The following PRKCE variants were observed in gnomAD, a reference collection of about 807,000 sequenced individuals.
PRKCE encodes protein kinase C epsilon type.
PRKCE carries 16 observed loss-of-function variants against 85.4 expected under a neutral mutation model. The ratio of observed to expected loss-of-function variants is 0.19; its 90% confidence interval spans 0.13 to 0.28. PRKCE has a LOEUF of 0.28. PRKCE is among the 10% of genes least tolerant of loss of function. The probability of loss-of-function intolerance (pLI) is 1.00; values close to 1 mark genes in which losing one functional copy is unlikely to be tolerated. For missense variants in PRKCE, 573 were observed against 975.2 expected (o/e 0.59, Z 5.49); for synonymous variants, 388 against 371.5 (o/e 1.04, Z -0.51).
chr2:45,966,229 A>G (rs1009339903), intron 2 of PRKCE, among the ~76,000 whole-genome samples: 13 of 152,210 alleles, frequency 8.5e-5, no homozygotes, highest in African/African-American at 3.1e-4. Context: ...TACATATTGC[A>G]TGAATATGTA....
chr2:46,014,032 G>T (rs956398032), intron 10 of PRKCE, among the ~76,000 whole-genome samples: 4 of 152,332 alleles, frequency 2.6e-5, no homozygotes, highest in South Asian at 2.1e-4. Flanking sequence ...GCTGAAGAGA[G>T]ATTTGGGCTT....
Position 45,900,928 on chromosome 2 carries a change from A to G in PRKCE, c.412+57865A>G, listed in dbSNP as rs911204462. ...TGCTGAGGAGAGATGAACAATACACACTTAACAAATGAGTAAGGCAATACA... is the reference window on the plus strand; with the variant it reads ...TGCTGAGGAGAGATGAACAATACACGCTTAACAAATGAGTAAGGCAATACA... On this transcript the variant is annotated intron_variant, in intron 2 of 14. Transcript: ENST00000306156. 2.6e-5 allele frequency among the ~76,000 whole-genome samples: 4 copies of G among 152,242 alleles called. 1 individual carries two copies. In the South Asian group the frequency reaches 8.3e-4, roughly 31 times the overall value.
chr2:45,994,569 C>A (rs1379941503), intron 6 of PRKCE, among the ~76,000 whole-genome samples: 1 of 152,200 alleles, frequency 6.6e-6, no homozygotes, highest in Non-Finnish European at 1.5e-5. Context: ...TGGCACCTTT[C>A]ACTTAGCAAT....
chr2:45,690,883 A>G (rs1433174669), intron 1 of PRKCE, among the ~76,000 whole-genome samples: 4 of 152,266 alleles, frequency 2.6e-5, no homozygotes, highest in Admixed American at 2.6e-4. Context: ...GGCATGGGCC[A>G]TGCTGGCTTA....
intron 1 of PRKCE, among the ~76,000 whole-genome samples, chr2:45,692,323 GT>G (rs549161779): frequency 7.2e-4 from 109 of 152,252 alleles, no homozygotes; most frequent in African/African-American, 2.5e-3. Flanking sequence ...ATGTCGGGGA[GT>G]TTTTTCTTGT....
rs1680305440 is a variant in PRKCE, at chr2:46,184,502, C to T, written c.2068-233C>T. Among the ~76,000 whole-genome samples the T allele has an allele frequency of 6.6e-6, 1 of 152,132 alleles. No individual in the cohort carries two copies. Among genetic ancestry groups the T allele is most frequent in the South Asian group, 2.1e-4 (1 of 4,826 alleles). On this transcript the variant is annotated intron_variant, in intron 14 of 14. Transcript: ENST00000306156. The surrounding 1 kb of genome is among the most constrained non-coding windows in gnomAD (Gnocchi z 5.0). ...CACTTCCCTGCTTTTCCATCATACC[C>T]TCTCACCCCTTCTTCCTTCTCACCT...
intron 1 of PRKCE, among the ~76,000 whole-genome samples, chr2:45,724,321 T>C (rs1680877667): frequency 6.6e-6 from 1 of 152,232 alleles, no homozygotes; most frequent in Admixed American, 6.5e-5. Flanking sequence ...GATGGTGAAC[T>C]TAATTGATAA....
chr2:45,802,504 T>C (rs1260798421), intron 1 of PRKCE, among the ~76,000 whole-genome samples: 2 of 152,018 alleles, frequency 1.3e-5, no homozygotes. Context: ...CTCAACGGAG[T>C]AGACTATTAT....
At position 46,004,250 on chromosome 2, in the gene PRKCE, A is replaced by T. The variant is rs532166918; in HGVS notation, c.967-292A>T. ...CCTTTTGGATGGGGTTGGATCAAAC[A>T]TTGTACCTCTGTCTCAGCTCTTTGG... is the stretch of plus-strand genomic sequence containing the variant. On this transcript the variant is annotated intron_variant, in intron 7 of 14. Coordinates refer to ENST00000306156, the MANE Select transcript of PRKCE (RefSeq NM_005400.3). The surrounding 1 kb of genome is among the most constrained non-coding windows in gnomAD (Gnocchi z 4.1). 2 of 382,540 alleles carry T rather than the reference A, an allele frequency of 5.2e-6. No individual in the cohort carries two copies. The highest frequency in any genetic ancestry group is 2.1e-5 in the African/African-American group (1 of 48,242). The allele number at this position is 382,540 out of a possible 1,614,324, so 23.7% of individuals were successfully genotyped here. A position where few individuals can be genotyped will look rare whatever the true frequency, so the allele number is the denominator to read the frequency against.
intron 10 of PRKCE, among the ~76,000 whole-genome samples, chr2:46,064,621 G>A (rs1384983119): frequency 6.6e-6 from 1 of 152,186 alleles, no homozygotes; most frequent in African/African-American, 2.4e-5. Flanking sequence ...GAAGAATTAG[G>A]GAGATACAAA....
intron 1 of PRKCE, among the ~76,000 whole-genome samples, chr2:45,735,814 G>C (rs1682009291): frequency 6.6e-6 from 1 of 152,208 alleles, no homozygotes; most frequent in African/African-American, 2.4e-5. Flanking sequence ...GTAAGGATGA[G>C]AGGATAAAGG....
rs188681305 is a variant in PRKCE at position 46,159,326 on chromosome 2, T to A, written c.1921-280T>A. Among the ~76,000 whole-genome samples, 380 of 152,326 alleles carry A rather than the reference T, an allele frequency of 2.5e-3. 2 individuals carry two copies. Among genetic ancestry groups the A allele is most frequent in the African/African-American group, 8.9e-3 (369 of 41,560 alleles). Reference sequence around the variant, plus strand: ...CCAAATTAGCTGACCTCTGTGTGCTTCTAGTGCCTCGTTTATAATATAGAG... The same window carrying A: ...CCAAATTAGCTGACCTCTGTGTGCTACTAGTGCCTCGTTTATAATATAGAG... On this transcript the variant is annotated intron_variant, in intron 13 of 14. Coordinates refer to ENST00000306156, the MANE Select transcript of PRKCE (RefSeq NM_005400.3). The surrounding 1 kb of genome is among the most constrained non-coding windows in gnomAD (Gnocchi z 4.1).
intron 1 of PRKCE, among the ~76,000 whole-genome samples, chr2:45,751,903 C>T (rs1157838992): frequency 7.0e-6 from 1 of 143,648 alleles, no homozygotes; most frequent in African/African-American, 2.7e-5. Context: ...CTGCAAGCTC[C>T]GCCTCCCGGG....
intron 2 of PRKCE, among the ~76,000 whole-genome samples, chr2:45,931,505 T>C (rs1699039717): frequency 6.6e-6 from 1 of 152,244 alleles, no homozygotes; most frequent in African/African-American, 2.4e-5. Context: ...AACCTCCTGA[T>C]GGTAAATTAC....
intron 1 of PRKCE, among the ~76,000 whole-genome samples, chr2:45,777,782 C>G (rs1190080709): frequency 6.6e-6 from 1 of 152,174 alleles, no homozygotes; most frequent in Admixed American, 6.5e-5. Flanking sequence ...TTGTCCTTCC[C>G]CCTGCCAGAA....
chr2:46,154,618 G>T (rs55878647), intron 13 of PRKCE, among the ~76,000 whole-genome samples: 2 of 151,676 alleles, frequency 1.3e-5, no homozygotes, highest in Non-Finnish European at 2.9e-5. Flanking sequence ...CTGGGACTGG[G>T]TCTCCTCTGG....
At chr2:45,871,886 G>A (rs1461221440) in intron 2 of PRKCE, among the ~76,000 whole-genome samples, 2 of 152,176 alleles carry the variant, frequency 1.3e-5, no homozygotes, top group Non-Finnish European at 2.9e-5. Context: ...ACGAAGTGGA[G>A]AAAGGAGGCA....
In PRKCE at chr2:45,771,769, G is replaced by T. The variant is rs541686311; in HGVS notation, c.349-71231G>T. ...TGTTGGGGGCTGGCTAACACCAGTG[G>T]CAGGCAGGCTGTGCCCCTTCCTCCC... is the stretch of plus-strand genomic sequence containing the variant. On this transcript the variant is annotated intron_variant, in intron 1 of 14. Coordinates refer to ENST00000306156, the MANE Select transcript of PRKCE (RefSeq NM_005400.3). 2.6e-5 allele frequency among the ~76,000 whole-genome samples: 4 copies of T among 151,026 alleles called. No homozygotes were observed. In the East Asian group the frequency reaches 7.9e-4, roughly 30 times the overall value.
rs1010472831 is a variant in PRKCE, at chr2:46,029,679, G to A, written c.1437+19162G>A. Among the ~76,000 whole-genome samples the A allele has an allele frequency of 8.7e-5, 11 of 126,352 alleles. No homozygotes were observed. In the East Asian group the frequency reaches 1.0e-3, roughly 12 times the overall value. 82.9% of individuals were successfully genotyped at this position (126,352 alleles called of 152,430 possible). A position where few individuals can be genotyped will look rare whatever the true frequency, so the allele number is the denominator to read the frequency against. ...ACATCAGGGAAAGGGGTTTGTCGTC[G>A]TATGGGTTTTTTTTTTTTTGTGGGA... On this transcript the variant is annotated intron_variant, in intron 10 of 14. Coordinates refer to ENST00000306156, the MANE Select transcript of PRKCE (RefSeq NM_005400.3).
Sources: allele counts gnomAD v4.1 joint callset (sites outside exome capture counted in the v4.1 genomes callset), GRCh38; gene constraint gnomAD v4.1.1; non-coding constraint Gnocchi (gnomAD v3.1); transcripts MANE v1.5; gene names NCBI Gene and HGNC (gene_info 2026-07-23, HGNC 2026-07-21).